Variants in DAP3 observed in about 807,000 individuals in gnomAD.
DAP3 encodes small ribosomal subunit protein mS29.
DAP3 carries 28 observed loss-of-function variants against 51.9 expected under a neutral mutation model. The ratio of observed to expected loss-of-function variants is 0.54; its 90% CI spans 0.40 to 0.74. DAP3 has a LOEUF of 0.74. DAP3 is among the 30% of genes least tolerant of loss of function. The pLI is 0.00. For synonymous variants in DAP3, 170 were observed against 170.3 expected, an observed-to-expected ratio of 1.00 and a Z score of 0.01; for missense variants, 458 against 483.5, an observed-to-expected ratio of 0.95 and a Z score of 0.49.
intron 11 of DAP3, 63 bp from the exon 12 acceptor site, chr1:155,736,883 A>AGTCT (rs1159059462): frequency 1.6e-6 from 2 of 1,284,424 alleles, no homozygotes; most frequent in Non-Finnish European, 2.3e-6. Flanking sequence ...GCTTAAGTAG[A>AGTCT]GTCTGTCTGT....
intron 11 of DAP3, among the ~76,000 whole-genome samples, chr1:155,734,776 C>T (rs1659589778): frequency 1.3e-5 from 2 of 152,100 alleles, no homozygotes; most frequent in South Asian, 2.1e-4. Context: ...CACACATCTG[C>T]GTTTGTTTCT....
In DAP3 at chr1:155,728,904, T is replaced by C. The variant is rs72999088; in HGVS notation, c.604-138T>C. On this transcript the variant is annotated intron_variant, in intron 7 of 12. Coordinates refer to ENST00000368336, the MANE Select transcript of DAP3 (RefSeq NM_004632.4). ...GAAAAGAAAGCATTCACTTCTACAT[T>C]GAGGTCTCTTACAGAACCTGAACAA... 7.2e-4 allele frequency: 526 copies of C among 727,382 alleles called. 1 individual carries two copies. In the African/African-American group the frequency reaches 8.6e-3, roughly 12 times the overall value. 45.1% of individuals were successfully genotyped at this position (727,382 alleles called of 1,614,324 possible). A position where few individuals can be genotyped will look rare whatever the true frequency, so the allele number is the denominator to read the frequency against.
At chr1:155,696,973 G>C (rs1654601034) in intron 1 of DAP3, among the ~76,000 whole-genome samples, 1 of 152,216 alleles carries the variant, frequency 6.6e-6, no homozygotes, top group African/African-American at 2.4e-5. Context: ...TTGCATTACA[G>C]CGTTGACCTC....
At chr1:155,694,498 T>G (rs1158349158) in intron 1 of DAP3, among the ~76,000 whole-genome samples, 1 of 141,534 alleles carries the variant, frequency 7.1e-6, no homozygotes, top group Non-Finnish European at 1.5e-5. Flanking sequence ...GTGGTTTTTG[T>G]TGTGTTTTCA....
At chr1:155,705,610 AAAAG>A (rs1324064743) in intron 1 of DAP3, among the ~76,000 whole-genome samples, 6 of 151,388 alleles carry the variant, frequency 4.0e-5, no homozygotes, top group Non-Finnish European at 7.4e-5. Flanking sequence ...CTCAAAAAAA[AAAAG>A]AAAGAAAAAA....
intron 7 of DAP3, among the ~76,000 whole-genome samples, chr1:155,728,561 C>CA (rs1445575497): frequency 6.7e-6 from 1 of 150,250 alleles, no homozygotes; most frequent in Non-Finnish European, 1.5e-5. Flanking sequence ...GATATGGTCT[C>CA]AAAAAAAAGA....
chr1:155,734,920 A>G lies in DAP3; in HGVS notation c.994-2026A>G, dbSNP rs1281937003. On this transcript the variant is annotated intron_variant, in intron 11 of 12. Coordinates refer to ENST00000368336, the MANE Select transcript of DAP3 (RefSeq NM_004632.4). Reference sequence around the variant, plus strand: ...GAAATCTGCTGCCAGTAGCCATAGTATATTTACTTATTAGCTCAATACTAG... The same window carrying G: ...GAAATCTGCTGCCAGTAGCCATAGTGTATTTACTTATTAGCTCAATACTAG... 2.0e-5 allele frequency among the ~76,000 whole-genome samples: 3 copies of G among 152,162 alleles called. No homozygotes were observed. The East Asian group carries it at 5.8e-4, about 29-fold the overall frequency.
chr1:155,701,611 C>T, intron 1 of DAP3, among the ~76,000 whole-genome samples: 1 of 131,928 alleles, frequency 7.6e-6, no homozygotes. Context: ...GCTGACCTTC[C>T]CTCCACTATT....
intron 11 of DAP3, 137 bp from the exon 12 acceptor site, chr1:155,736,809 A>C (rs1659854878): frequency 9.1e-6 from 7 of 766,776 alleles, no homozygotes; most frequent in South Asian, 8.7e-5. Flanking sequence ...TGTATCAGGC[A>C]ATGTTGCCAG....
chr1:155,692,286 C>A (rs1381795082), intron 1 of DAP3, among the ~76,000 whole-genome samples: 1 of 141,726 alleles, frequency 7.1e-6, no homozygotes, highest in Admixed American at 6.6e-5. Context: ...CTTTCCTCCT[C>A]AGAGTCCTCT....
intron 11 of DAP3, among the ~76,000 whole-genome samples, chr1:155,735,130 AAAAT>A (rs1659633529): frequency 6.6e-6 from 1 of 150,576 alleles, no homozygotes; most frequent in Admixed American, 6.6e-5. Flanking sequence ...AAAAGAAAAA[AAAAT>A]TAGCCGGGCG....
In DAP3 at chr1:155,738,192, C is replaced by T. The variant is rs769165051; in HGVS notation, c.1147C>T (p.Leu383=). ...TEEGKKELLF[L]SNANPSLLER... ...AGAAGGGAAAAAAGAGCTGCTGTTC[C>T]TAAGTAACGCGAACCCCTCGCTGCT... The change falls in exon 13 of 13, where the codon CTA becomes TTA. Residue 383 remains leucine, a synonymous_variant. Coordinates refer to ENST00000368336, the MANE Select transcript of DAP3 (RefSeq NM_004632.4). 20 of 1,614,230 alleles carry T rather than the reference C, an allele frequency of 1.2e-5. No individual in the cohort carries two copies. The highest frequency in any genetic ancestry group is 3.3e-4 in the Middle Eastern group (2 of 6,062).
intron 11 of DAP3, 195 bp downstream of exon 11, chr1:155,732,228 C>A: frequency 5.4e-6 from 2 of 368,100 alleles, no homozygotes; most frequent in Admixed American, 5.2e-5. Flanking sequence ...TCCAGAGTTT[C>A]TTTTCTTTTT....
Position 155,738,373 on chromosome 1 carries a change from G to C in DAP3, c.*131G>C. The C allele has an allele frequency of 1.2e-6, 1 of 855,232 alleles. No homozygotes were observed. Among genetic ancestry groups the C allele is most frequent in the Non-Finnish European group, 1.8e-6 (1 of 562,722 alleles). 53.0% of individuals were successfully genotyped at this position (855,232 alleles called of 1,614,324 possible). On this transcript the variant is annotated 3_prime_UTR_variant, in exon 13 of 13. Coordinates refer to ENST00000368336, the MANE Select transcript of DAP3 (RefSeq NM_004632.4). ...ACCTATGGGATTGGACAGGACTGCAGTTGGCTCTGGACCTGCATTAAAATG... is the reference window on the plus strand; with the variant it reads ...ACCTATGGGATTGGACAGGACTGCACTTGGCTCTGGACCTGCATTAAAATG...
chr1:155,726,113 CTTTTTTTT>C (rs377658512), intron 6 of DAP3, 94 bp downstream of exon 6: 14 of 677,028 alleles, frequency 2.1e-5, no homozygotes, highest in Non-Finnish European at 2.6e-5. Flanking sequence ...CTTTTCTTTT[CTTTTTTTT>C]TTTTTTTTTG....
chr1:155,726,275 C>A (rs1235019242), intron 6 of DAP3: 1 of 245,264 alleles, frequency 4.1e-6, no homozygotes. Context: ...CACACCACCA[C>A]GCCCAGCTAA....
At chr1:155,688,365 G>C, upstream of DAP3, 1 of 1,547,094 alleles carries the variant, frequency 6.5e-7, no homozygotes, top group Non-Finnish European at 8.7e-7. Flanking sequence ...AGCTCCTCCA[G>C]AGGGAGGGAG....
chr1:155,722,898 T>G (rs1182603467), intron 4 of DAP3, among the ~76,000 whole-genome samples: 1 of 152,234 alleles, frequency 6.6e-6, no homozygotes, highest in Non-Finnish European at 1.5e-5. Context: ...TTATTCAGCT[T>G]CAGAGCTGTG....
At chr1:155,714,514 C>G (rs1657098228) in intron 2 of DAP3, among the ~76,000 whole-genome samples, 1 of 152,196 alleles carries the variant, frequency 6.6e-6, no homozygotes, top group South Asian at 2.1e-4. Context: ...CCCATAATCC[C>G]AGCACTTTGG....
Sources: allele counts gnomAD v4.1 joint callset (sites outside exome capture counted in the v4.1 genomes callset), GRCh38; gene constraint gnomAD v4.1.1; transcripts MANE v1.5; gene names NCBI Gene and HGNC (gene_info 2026-07-23, HGNC 2026-07-21).